BRINP3: variants seen among roughly 807,000 people sequenced by gnomAD.
BRINP3 encodes the protein BMP/retinoic acid inducible neural specific 3.
BRINP3 carries 19 observed loss-of-function variants against 71.0 expected under a neutral mutation model. That is an observed-to-expected ratio of 0.27 (90% CI 0.19 to 0.39). The LOEUF is 0.39. Ranked by LOEUF, BRINP3 falls within the 10% of genes least tolerant of loss-of-function variation. The pLI, the probability that BRINP3 is intolerant of heterozygous loss-of-function variation, is 1.00. For synonymous variants in BRINP3, 380 were observed against 337.7 expected, an observed-to-expected ratio of 1.13 and a Z score of -1.37; for missense variants, 959 against 940.8, an observed-to-expected ratio of 1.02 and a Z score of -0.25.
intron 1 of BRINP3, among the ~76,000 whole-genome samples, chr1:190,475,158 A>G (rs1677419623): frequency 6.6e-6 from 1 of 152,134 alleles, no homozygotes; most frequent in Non-Finnish European, 1.5e-5. Context: ...ATACTTTAAC[A>G]CAGAGCCTAA....
intron 6 of BRINP3, among the ~76,000 whole-genome samples, chr1:190,163,904 C>T (rs756741225): frequency 1.3e-5 from 2 of 152,088 alleles, no homozygotes; most frequent in Non-Finnish European, 2.9e-5. Context: ...AGTAATCCTT[C>T]ATGCAGATTT....
chr1:190,321,107 G>C (rs1003675828), intron 2 of BRINP3, among the ~76,000 whole-genome samples: 8 of 151,810 alleles, frequency 5.3e-5, no homozygotes, highest in African/African-American at 1.7e-4. Flanking sequence ...TGCTGTATAG[G>C]GGCAGGGCCA....
chr1:190,313,171 T>C (rs1188912338), intron 2 of BRINP3, among the ~76,000 whole-genome samples: 2 of 151,934 alleles, frequency 1.3e-5, no homozygotes, highest in Non-Finnish European at 2.9e-5. Context: ...ATATGATAGA[T>C]AAAATTGGCT....
chr1:190,322,545 G>A (rs1345095172), intron 2 of BRINP3, among the ~76,000 whole-genome samples: 2 of 151,918 alleles, frequency 1.3e-5, no homozygotes, highest in East Asian at 3.9e-4. Flanking sequence ...GAATATCCTA[G>A]AATATTCATC....
intron 2 of BRINP3, among the ~76,000 whole-genome samples, chr1:190,337,875 T>C (rs976548288): frequency 2.6e-5 from 4 of 152,048 alleles, no homozygotes; most frequent in African/African-American, 4.8e-5. Context: ...TTTATTGTTG[T>C]TGTTGTTGTT....
At chr1:190,356,954 A>C (rs1479059806) in intron 2 of BRINP3, among the ~76,000 whole-genome samples, 2 of 151,174 alleles carry the variant, frequency 1.3e-5, no homozygotes, top group Non-Finnish European at 2.9e-5. Flanking sequence ...CTGAGGAGAC[A>C]ACTAGGTTAA....
chr1:190,189,833 G>C (rs1653878537), intron 6 of BRINP3, among the ~76,000 whole-genome samples: 1 of 152,042 alleles, frequency 6.6e-6, no homozygotes, highest in Admixed American at 6.6e-5. Context: ...GCGGTTGTTT[G>C]TCAATGTTTG....
At chr1:190,360,444 C>G (rs1040697009) in intron 2 of BRINP3, among the ~76,000 whole-genome samples, 1 of 152,060 alleles carries the variant, frequency 6.6e-6, no homozygotes, top group Non-Finnish European at 1.5e-5. Context: ...AAAATGAAAA[C>G]AAAACAAGAC....
At chr1:190,412,290 GATT>G (rs970983176) in intron 2 of BRINP3, among the ~76,000 whole-genome samples, 7 of 150,958 alleles carry the variant, frequency 4.6e-5, no homozygotes, top group African/African-American at 1.7e-4. Flanking sequence ...GTAAAATATA[GATT>G]ATTATTTCTA....
At chr1:190,102,275 C>T (rs538988939) in intron 7 of BRINP3, among the ~76,000 whole-genome samples, 1 of 152,032 alleles carries the variant, frequency 6.6e-6, no homozygotes, top group Non-Finnish European at 1.5e-5. Flanking sequence ...GGTGGTTCCC[C>T]CACCCAACAA....
At chr1:190,142,099 C>A (rs936962842) in intron 7 of BRINP3, among the ~76,000 whole-genome samples, 9 of 152,032 alleles carry the variant, frequency 5.9e-5, no homozygotes, top group Non-Finnish European at 1.3e-4. Flanking sequence ...TCTTTGGACT[C>A]AACCTTTCTA....
chr1:190,279,537 T>C (rs1214085448), intron 3 of BRINP3, among the ~76,000 whole-genome samples: 3 of 151,886 alleles, frequency 2.0e-5, no homozygotes, highest in Non-Finnish European at 1.5e-5. Context: ...CTGATCTCTT[T>C]CTCTTCTTAT....
chr1:190,181,008 C>G (rs561372697), intron 6 of BRINP3, among the ~76,000 whole-genome samples: 1 of 152,038 alleles, frequency 6.6e-6, no homozygotes, highest in Admixed American at 6.6e-5. Flanking sequence ...TATTCTATCA[C>G]TACAAAGATA....
intron 2 of BRINP3, among the ~76,000 whole-genome samples, chr1:190,320,418 T>G (rs1007115639): frequency 5.3e-5 from 8 of 152,138 alleles, no homozygotes; most frequent in African/African-American, 1.9e-4. Context: ...AGCAAACAAT[T>G]ACTAATAGGA....
At chr1:190,241,150 AC>A (rs573597092) in intron 4 of BRINP3, among the ~76,000 whole-genome samples, 37 of 152,224 alleles carry the variant, frequency 2.4e-4, no homozygotes, top group African/African-American at 8.9e-4. Context: ...AATATTTATT[AC>A]AAAAGAAAAT....
intron 2 of BRINP3, among the ~76,000 whole-genome samples, chr1:190,290,067 A>G (rs1663743589): frequency 6.6e-6 from 1 of 152,086 alleles, no homozygotes; most frequent in African/African-American, 2.4e-5. Context: ...AAAAAGAATG[A>G]GGTTTCCTAC....
Position 190,397,958 on chromosome 1 carries a change from C to T in BRINP3, c.236+56697G>A, listed in dbSNP as rs1364556479. Reference sequence around the variant, plus strand: ...ACTGTCAAATTTTGTTAAAATGATACCATAGAATTAATATCGTGTTCAGTG... The same window carrying T: ...ACTGTCAAATTTTGTTAAAATGATATCATAGAATTAATATCGTGTTCAGTG... On this transcript the variant is annotated intron_variant, in intron 2 of 7. Transcript: ENST00000367462. 2.0e-5 allele frequency among the ~76,000 whole-genome samples: 3 copies of T among 151,690 alleles called. No homozygotes were observed. In the East Asian group the frequency reaches 5.8e-4, roughly 29 times the overall value.
intron 7 of BRINP3, among the ~76,000 whole-genome samples, chr1:190,122,744 AT>A (rs1392702804): frequency 1.3e-5 from 2 of 152,166 alleles, no homozygotes; most frequent in Non-Finnish European, 2.9e-5. Flanking sequence ...AAAAACCTTG[AT>A]TTCAGAATTA....
intron 7 of BRINP3, among the ~76,000 whole-genome samples, chr1:190,127,897 G>A (rs1654220235): frequency 1.3e-5 from 2 of 151,760 alleles, no homozygotes; most frequent in South Asian, 2.1e-4. Flanking sequence ...TTATAGCAGT[G>A]TAATCTAGTT....
Sources: gnomAD v4.1 joint callset for allele counts (sites outside exome capture counted in the v4.1 genomes callset) on GRCh38, gnomAD v4.1.1 for gene constraint, MANE v1.5 for transcripts, NCBI Gene and HGNC (gene_info 2026-07-23, HGNC 2026-07-21) for gene names.